Variants in TLK1 observed in about 807,000 individuals in gnomAD.
TLK1 encodes serine/threonine-protein kinase tousled-like 1.
TLK1 carries 24 observed loss-of-function variants against 105.3 expected under a neutral mutation model. The ratio of observed to expected loss-of-function variants is 0.23; its 90% CI spans 0.17 to 0.32. TLK1 has a LOEUF of 0.32. Ranked by LOEUF, TLK1 falls within the 10% of genes least tolerant of loss-of-function variation. The pLI is 1.00. For missense variants in TLK1, 558 were observed against 910.5 expected, an observed-to-expected ratio of 0.61 and a Z score of 4.98; for synonymous variants, 321 against 310.4, an observed-to-expected ratio of 1.03 and a Z score of -0.36.
At chr2:171,029,880 C>T (rs1377747146) in intron 11 of TLK1, among the ~76,000 whole-genome samples, 3 of 150,810 alleles carry the variant, frequency 2.0e-5, no homozygotes, top group East Asian at 2.0e-4. Flanking sequence ...AGAGTAGCTG[C>T]GACTACAGGC....
At chr2:171,143,452 G>A (rs1691665671) in intron 1 of TLK1, among the ~76,000 whole-genome samples, 1 of 127,376 alleles carries the variant, frequency 7.9e-6, no homozygotes, top group Non-Finnish European at 1.6e-5. Context: ...GTTGCAGTGA[G>A]CCAAGATCAC....
chr2:171,171,669 T>C (rs1359875351), intron 1 of TLK1, among the ~76,000 whole-genome samples: 1 of 151,824 alleles, frequency 6.6e-6, no homozygotes, highest in East Asian at 1.9e-4. Context: ...ACTTGAACAG[T>C]TGCTTCACAA....
intron 3 of TLK1, among the ~76,000 whole-genome samples, chr2:171,069,153 C>T (rs1171391355): frequency 2.6e-5 from 4 of 152,034 alleles, no homozygotes; most frequent in African/African-American, 9.7e-5. Flanking sequence ...CCATTTTTGT[C>T]CAAGACTTAC....
intron 12 of TLK1, among the ~76,000 whole-genome samples, chr2:171,027,116 A>AT: frequency 6.6e-6 from 1 of 152,254 alleles, no homozygotes. Context: ...CATATTAATA[A>AT]CATTTCCAAA....
At chr2:171,073,431 A>AGTAAGGCATTAAAAAAAAAAAGATTT in intron 3 of TLK1, among the ~76,000 whole-genome samples, 1 of 152,192 alleles carries the variant, frequency 6.6e-6, no homozygotes, top group Non-Finnish European at 1.5e-5. Flanking sequence ...CAAGAACTCA[A>AGTAAGGCATTAAAAAAAAAAAGATTT]CTAGACAGAA....
chr2:171,227,153 A>C (rs1404814411), intron 1 of TLK1, among the ~76,000 whole-genome samples: 1 of 151,630 alleles, frequency 6.6e-6, no homozygotes, highest in African/African-American at 2.4e-5. Context: ...AAGCTTTGAG[A>C]CTCCCTACTA....
At chr2:171,083,866 G>A (rs745429583) in intron 2 of TLK1, among the ~76,000 whole-genome samples, 22 of 152,268 alleles carry the variant, frequency 1.4e-4, no homozygotes, top group Middle Eastern at 3.4e-3. Context: ...CTTGGAATAA[G>A]TTATAATCTA....
chr2:171,148,535 C>A (rs1319780384), intron 1 of TLK1, among the ~76,000 whole-genome samples: 1 of 151,774 alleles, frequency 6.6e-6, no homozygotes, highest in African/African-American at 2.4e-5. Flanking sequence ...AGGCAATGTT[C>A]CGTCATTTGT....
At chr2:171,011,843 T>C (rs1032431274) in intron 13 of TLK1, among the ~76,000 whole-genome samples, 12 of 152,188 alleles carry the variant, frequency 7.9e-5, no homozygotes, top group African/African-American at 2.7e-4. Context: ...TATTGACATA[T>C]GATTAAACAT....
chr2:171,005,004 C>G (rs1273694517), intron 18 of TLK1, among the ~76,000 whole-genome samples: 2 of 152,190 alleles, frequency 1.3e-5, no homozygotes, highest in East Asian at 3.8e-4. Context: ...AAAGTGAAAT[C>G]TATACAGACA....
chr2:171,104,685 G>C (rs1307458687), intron 2 of TLK1, among the ~76,000 whole-genome samples: 3 of 152,182 alleles, frequency 2.0e-5, no homozygotes. Flanking sequence ...TGGCCAGGCT[G>C]GTCTCAAACT....
intron 1 of TLK1, among the ~76,000 whole-genome samples, chr2:171,132,168 A>G (rs777223548): frequency 6.6e-6 from 1 of 152,232 alleles, no homozygotes; most frequent in Non-Finnish European, 1.5e-5. Flanking sequence ...GAAACTTACA[A>G]TCATGGCCAA....
intron 1 of TLK1, among the ~76,000 whole-genome samples, chr2:171,206,061 T>C (rs1041860273): frequency 1.3e-5 from 2 of 152,118 alleles, no homozygotes; most frequent in Non-Finnish European, 2.9e-5. Context: ...CTGAGATACA[T>C]GCAAAAAGAT....
chr2:171,203,351 A>G (rs963112695), intron 1 of TLK1, among the ~76,000 whole-genome samples: 26 of 151,926 alleles, frequency 1.7e-4, no homozygotes, highest in Non-Finnish European at 1.2e-4. Flanking sequence ...AGCTCTCCAT[A>G]CCCTTTATCC....
chr2:171,152,096 C>T (rs1291714868), intron 1 of TLK1, among the ~76,000 whole-genome samples: 4 of 152,132 alleles, frequency 2.6e-5, no homozygotes, highest in Admixed American at 6.5e-5. Flanking sequence ...TGAAGTCACA[C>T]AACTTATCAT....
chr2:171,172,421 A>G (rs1692747108), intron 1 of TLK1, among the ~76,000 whole-genome samples: 1 of 152,234 alleles, frequency 6.6e-6, no homozygotes. Context: ...TTTAACAAAT[A>G]CAATAAAAAT....
intron 1 of TLK1, among the ~76,000 whole-genome samples, chr2:171,149,234 A>AAGC (rs1438990959): frequency 6.0e-5 from 9 of 151,020 alleles, no homozygotes; most frequent in Non-Finnish European, 1.3e-4. Context: ...GGGCAGGGAG[A>AAGC]AGCAGCAGCA....
chr2:171,180,394 G>C (rs1418843176), intron 1 of TLK1, among the ~76,000 whole-genome samples: 1 of 152,106 alleles, frequency 6.6e-6, no homozygotes, highest in African/African-American at 2.4e-5. Context: ...TTAGCAACAT[G>C]GGAGTGCTAC....
At chr2:171,030,042 G>A (rs1470089929) in intron 11 of TLK1, among the ~76,000 whole-genome samples, 1 of 152,124 alleles carries the variant, frequency 6.6e-6, no homozygotes, top group East Asian at 1.9e-4. Context: ...CACCACAACC[G>A]GCCCATACCC....
Sources: allele counts gnomAD v4.1 joint callset (sites outside exome capture counted in the v4.1 genomes callset), GRCh38; gene constraint gnomAD v4.1.1; transcripts MANE v1.5; gene names NCBI Gene and HGNC (gene_info 2026-07-23, HGNC 2026-07-21).